Variants in SUFU observed in about 807,000 individuals in gnomAD.
SUFU encodes the protein SUFU negative regulator of hedgehog signaling.
SUFU carries 7 observed loss-of-function variants against 58.9 expected under a neutral mutation model. The observed-to-expected ratio is 0.12, with a 90% confidence interval of 0.07 to 0.22. The LOEUF is 0.22. Among genes scored for constraint, SUFU ranks in the 10% least tolerant of loss-of-function variants. The probability of loss-of-function intolerance (pLI) is 1.00; values close to 1 mark genes in which losing one functional copy is unlikely to be tolerated. For synonymous variants in SUFU, 232 were observed against 254.8 expected (o/e 0.91, Z 0.85); for missense variants, 451 against 641.3 (o/e 0.70, Z 3.20).
At chr10:102,612,208 T>TGC (rs1554854167) in intron 8 of SUFU, among the ~76,000 whole-genome samples, 4 of 113,688 alleles carry the variant, frequency 3.5e-5, no homozygotes, top group South Asian at 3.0e-4. Context: ...TGTGTGTGTG[T>TGC]GCACGCGCAT....
At position 102,538,781 on chromosome 10, in the gene SUFU, G is replaced by A. The variant is rs570372159; in HGVS notation, c.318-11189G>A. ...AAGTGAGAAGGTATATAAGTGAAAT[G>A]TAGATAAGAAGAGAAGTAAACTCTT... On this transcript the variant is annotated intron_variant, in intron 2 of 11. Transcript: ENST00000369902. Among the ~76,000 whole-genome samples, 38 of 152,270 alleles carry A rather than the reference G, an allele frequency of 2.5e-4. No individual in the cohort carries two copies. The South Asian group carries it at 7.7e-3, about 31-fold the overall frequency.
In SUFU at chr10:102,628,025, G is replaced by A. The variant is rs1349665858; in HGVS notation, c.1365+782G>A. ...ACTCTAGCAGGCTGGCCGGGCCTCT[G>A]GAGAGCTCTCCTGGGCCCTGCCCTG... On this transcript the variant is annotated intron_variant, in intron 11 of 11. Coordinates refer to ENST00000369902, the MANE Select transcript of SUFU (RefSeq NM_016169.4). The surrounding 1 kb of genome is among the most constrained non-coding windows in gnomAD (Gnocchi z 4.5). Among the ~76,000 whole-genome samples the A allele has an allele frequency of 1.3e-5, 2 of 152,196 alleles. No homozygotes were observed. Among genetic ancestry groups the A allele is most frequent in the Non-Finnish European group, 2.9e-5 (2 of 68,028 alleles).
rs1351532432 is a variant in SUFU, at chr10:102,629,948, CT to C, written c.1366-117del. ...CTAGCATTTGAGAATGAAGCCACGC[CT>C]CCCGCGGCCTGTCCTATCCCTAGCT... On this transcript the variant is annotated intron_variant, in intron 11 of 11. Transcript: ENST00000369902. The surrounding 1 kb of genome is among the most constrained non-coding windows in gnomAD (Gnocchi z 4.7). The C allele has an allele frequency of 6.4e-6, 6 of 940,278 alleles. No homozygotes were observed. The African/African-American group carries it at 9.7e-5, about 15-fold the overall frequency. The allele number at this position is 940,278 out of a possible 1,614,324, so 58.2% of individuals were successfully genotyped here.
At chr10:102,599,576 A>G (rs2063497153) in intron 8 of SUFU, 32 bp downstream of exon 8, 1 of 1,585,120 alleles carries the variant, frequency 6.3e-7, no homozygotes, top group Middle Eastern at 1.7e-4. Context: ...GGCTGGAACA[A>G]GAGGACGACT....
chr10:102,505,125 G>A (rs148290071), intron 1 of SUFU, among the ~76,000 whole-genome samples: 5 of 152,290 alleles, frequency 3.3e-5, no homozygotes, highest in African/African-American at 1.2e-4. Flanking sequence ...GAAATAAATG[G>A]TGGAGACTCT....
At chr10:102,605,335 C>T (rs1236622745) in intron 8 of SUFU, among the ~76,000 whole-genome samples, 3 of 152,036 alleles carry the variant, frequency 2.0e-5, no homozygotes, top group African/African-American at 4.8e-5. Context: ...GGCAACATGG[C>T]AAAACCCCAT....
chr10:102,525,566 G>A (rs548677590), intron 2 of SUFU, among the ~76,000 whole-genome samples: 5 of 151,834 alleles, frequency 3.3e-5, no homozygotes, highest in Non-Finnish European at 5.9e-5. Context: ...GCGATCTTGC[G>A]ATCTCAGTTC....
At chr10:102,580,716 C>T (rs1297772228) in intron 3 of SUFU, among the ~76,000 whole-genome samples, 7 of 152,264 alleles carry the variant, frequency 4.6e-5, no homozygotes, top group Middle Eastern at 3.4e-3. Context: ...GCCCTCTGTA[C>T]AGTGCCTGGG....
At chr10:102,566,927 A>C (rs1316462587) in intron 3 of SUFU, among the ~76,000 whole-genome samples, 1 of 143,114 alleles carries the variant, frequency 7.0e-6, no homozygotes, top group African/African-American at 2.5e-5. Context: ...CCTGGGTGAC[A>C]GAGCGACTCC....
At chr10:102,542,591 T>C (rs1289005511) in intron 2 of SUFU, among the ~76,000 whole-genome samples, 1 of 151,024 alleles carries the variant, frequency 6.6e-6, no homozygotes, top group East Asian at 1.9e-4. Flanking sequence ...TTCCTTTCTT[T>C]CTTCCTCAAA....
intron 10 of SUFU, 85 bp from the exon 11 acceptor site, chr10:102,627,090 C>A: frequency 2.1e-6 from 3 of 1,423,260 alleles, no homozygotes; most frequent in South Asian, 1.2e-5. Context: ...CCTCCATGGT[C>A]AGAAGAGAGG....
At chr10:102,515,897 G>C (rs1258647970) in intron 2 of SUFU, among the ~76,000 whole-genome samples, 3 of 152,126 alleles carry the variant, frequency 2.0e-5, no homozygotes, top group Non-Finnish European at 4.4e-5. Flanking sequence ...ATGACTATTT[G>C]CATGAGATGG....
intron 2 of SUFU, among the ~76,000 whole-genome samples, chr10:102,514,064 T>C (rs1015510193): frequency 6.6e-6 from 1 of 151,798 alleles, no homozygotes; most frequent in African/African-American, 2.4e-5. Context: ...TTTTTTTTTT[T>C]ATTGTTGACA....
At chr10:102,600,681 A>G (rs960598281) in intron 8 of SUFU, among the ~76,000 whole-genome samples, 2 of 152,180 alleles carry the variant, frequency 1.3e-5, no homozygotes, top group Non-Finnish European at 2.9e-5. Context: ...TAGAATTTTA[A>G]TAAGCAGGGG....
At chr10:102,520,212 CTTTTTT>C (rs36020604) in intron 2 of SUFU, among the ~76,000 whole-genome samples, 8 of 113,548 alleles carry the variant, frequency 7.0e-5, no homozygotes, top group Admixed American at 2.7e-4. Context: ...TTTTTTCTTT[CTTTTTT>C]TTTTTTTTTT....
chr10:102,563,831 G>T (rs1424503656), intron 3 of SUFU, among the ~76,000 whole-genome samples: 1 of 151,490 alleles, frequency 6.6e-6, no homozygotes, highest in African/African-American at 2.4e-5. Flanking sequence ...GACTCTAGCT[G>T]CATTTTGAGA....
At chr10:102,621,912 TG>T in intron 10 of SUFU, among the ~76,000 whole-genome samples, 1 of 152,350 alleles carries the variant, frequency 6.6e-6, no homozygotes, top group East Asian at 1.9e-4. Context: ...CTGCAGCAGC[TG>T]GGCCCCTGCC....
chr10:102,588,405 A>G (rs2071280541), intron 3 of SUFU, among the ~76,000 whole-genome samples: 1 of 152,012 alleles, frequency 6.6e-6, no homozygotes, highest in African/African-American at 2.4e-5. Context: ...AAAAAAAAAA[A>G]AAAGAAAAGT....
At chr10:102,544,546 C>T (rs1001882806) in intron 2 of SUFU, among the ~76,000 whole-genome samples, 1 of 151,824 alleles carries the variant, frequency 6.6e-6, no homozygotes, top group Non-Finnish European at 1.5e-5. Context: ...AGTAAAAATA[C>T]AAAAATTAAT....
Sources: gnomAD v4.1 joint callset for allele counts (sites outside exome capture counted in the v4.1 genomes callset) on GRCh38, gnomAD v4.1.1 for gene constraint, Gnocchi (gnomAD v3.1) non-coding constraint, MANE v1.5 for transcripts, NCBI Gene and HGNC (gene_info 2026-07-23, HGNC 2026-07-21) for gene names.